LYPD6: variants seen among roughly 807,000 people sequenced by gnomAD.
The protein encoded by LYPD6 is ly6/PLAUR domain-containing protein 6.
LYPD6 carries 15 observed loss-of-function variants against 22.7 expected under a neutral mutation model. The ratio of observed to expected loss-of-function variants is 0.66; its 90% confidence interval spans 0.44 to 1.02. LYPD6 has a LOEUF of 1.02. Among genes scored for constraint, LYPD6 ranks in the 50% least tolerant of loss-of-function variants. The pLI, the probability that LYPD6 is intolerant of heterozygous loss-of-function variation, is 0.00. For missense variants in LYPD6, 189 were observed against 208.4 expected (o/e 0.91, Z 0.57); for synonymous variants, 72 against 77.5 (o/e 0.93, Z 0.37).
At chr2:149,354,495 C>A (rs989232377) in intron 1 of LYPD6, among the ~76,000 whole-genome samples, 1 of 152,074 alleles carries the variant, frequency 6.6e-6, no homozygotes, top group African/African-American at 2.4e-5. Flanking sequence ...CATGAACCAC[C>A]GCACCTGGCC....
chr2:149,469,905 G>T (rs1024001588), intron 4 of LYPD6, among the ~76,000 whole-genome samples: 5 of 152,122 alleles, frequency 3.3e-5, no homozygotes, highest in African/African-American at 1.2e-4. Context: ...AATCCCTGCA[G>T]GAAAATGACT....
At chr2:149,341,666 A>G (rs1681164010) in intron 1 of LYPD6, among the ~76,000 whole-genome samples, 1 of 152,196 alleles carries the variant, frequency 6.6e-6, no homozygotes, top group South Asian at 2.1e-4. Flanking sequence ...TTTCTCACAC[A>G]TCTGAGGCTG....
rs1001223937 is a variant in LYPD6, at chr2:149,471,185, A to G, written c.*335A>G. On this transcript the variant is annotated 3_prime_UTR_variant, in exon 5 of 5. Coordinates refer to ENST00000334166, the MANE Select transcript of LYPD6 (RefSeq NM_194317.5). ...TGCATGAGATGCAGTAGGTCCTGAG[A>G]CTGTAAGATATTAGGAGTATGTTAT... 3 of 195,784 alleles carry G rather than the reference A, an allele frequency of 1.5e-5. No homozygotes were observed. In the South Asian group the frequency reaches 4.7e-4, roughly 30 times the overall value. 12.1% of individuals were successfully genotyped at this position (195,784 alleles called of 1,614,324 possible). A position where few individuals can be genotyped will look rare whatever the true frequency, so the allele number is the denominator to read the frequency against.
At chr2:149,436,400 A>G (rs1035859683) in intron 1 of LYPD6, among the ~76,000 whole-genome samples, 1 of 152,244 alleles carries the variant, frequency 6.6e-6, no homozygotes, top group African/African-American at 2.4e-5. Flanking sequence ...CCAAGAAGAT[A>G]GCAAGAGAAT....
chr2:149,403,492 C>A (rs1253235351), intron 1 of LYPD6, among the ~76,000 whole-genome samples: 1 of 147,050 alleles, frequency 6.8e-6, no homozygotes, highest in African/African-American at 2.6e-5. Flanking sequence ...TGATGGTGAG[C>A]ATTTTTTCAT....
intron 1 of LYPD6, among the ~76,000 whole-genome samples, chr2:149,419,535 C>T (rs1207214603): frequency 1.3e-5 from 2 of 152,102 alleles, no homozygotes; most frequent in Non-Finnish European, 2.9e-5. Context: ...CTAGTGGCTC[C>T]CAAATCGGAC....
chr2:149,429,268 A>G (rs974606901), intron 1 of LYPD6, among the ~76,000 whole-genome samples: 6 of 152,176 alleles, frequency 3.9e-5, no homozygotes, highest in Non-Finnish European at 5.9e-5. Flanking sequence ...AAACATTTTG[A>G]AAAGAGACTT....
intron 1 of LYPD6, among the ~76,000 whole-genome samples, chr2:149,361,132 G>A (rs1157894335): frequency 6.6e-6 from 1 of 152,144 alleles, no homozygotes; most frequent in Non-Finnish European, 1.5e-5. Context: ...TCTCGAAAGG[G>A]TAGATTTGAA....
chr2:149,422,699 A>T (rs1419840802), intron 1 of LYPD6, among the ~76,000 whole-genome samples: 2 of 152,098 alleles, frequency 1.3e-5, no homozygotes, highest in African/African-American at 2.4e-5. Flanking sequence ...AGATCCCCAG[A>T]ACTTATTCCT....
intron 3 of LYPD6, among the ~76,000 whole-genome samples, chr2:149,456,563 A>G (rs1009075515): frequency 6.6e-6 from 1 of 152,192 alleles, no homozygotes; most frequent in African/African-American, 2.4e-5. Flanking sequence ...TAGAGAGGTA[A>G]TTAAGTGAGG....
chr2:149,403,932 G>A (rs977612163), intron 1 of LYPD6, among the ~76,000 whole-genome samples: 40 of 152,198 alleles, frequency 2.6e-4, no homozygotes, highest in African/African-American at 9.4e-4. Flanking sequence ...AAGGGATCCA[G>A]TTTCAGCTTT....
In LYPD6 at chr2:149,406,353, A is replaced by G. The variant is rs1317618965; in HGVS notation, c.-71-31285A>G. Reference sequence around the variant, plus strand: ...TGGGGTGTTAAAGTCTCCCATTATTATTGTGTGGGAGTCTAAGTCTCTTTG... The same window carrying G: ...TGGGGTGTTAAAGTCTCCCATTATTGTTGTGTGGGAGTCTAAGTCTCTTTG... On this transcript the variant is annotated intron_variant, in intron 1 of 4. Coordinates refer to ENST00000334166, the MANE Select transcript of LYPD6 (RefSeq NM_194317.5). Among the ~76,000 whole-genome samples, 8 of 151,588 alleles carry G rather than the reference A, an allele frequency of 5.3e-5. 1 individual carries two copies. Among genetic ancestry groups the G allele is most frequent in the Middle Eastern group, 6.3e-3 (2 of 316 alleles).
At chr2:149,338,945 A>G (rs1681108134) in intron 1 of LYPD6, among the ~76,000 whole-genome samples, 1 of 152,114 alleles carries the variant, frequency 6.6e-6, no homozygotes, top group South Asian at 2.1e-4. Context: ...TGCAACCCTT[A>G]TTGTCATTTT....
At chr2:149,410,064 T>C (rs970467397) in intron 1 of LYPD6, among the ~76,000 whole-genome samples, 1 of 152,180 alleles carries the variant, frequency 6.6e-6, no homozygotes, top group African/African-American at 2.4e-5. Flanking sequence ...GCCTTCTATC[T>C]GCCATCTTAA....
chr2:149,385,114 A>G (rs182725468), intron 1 of LYPD6, among the ~76,000 whole-genome samples: 12 of 151,900 alleles, frequency 7.9e-5, no homozygotes, highest in Admixed American at 5.2e-4. Flanking sequence ...CTTTCATTTT[A>G]TCTCTCTTCC....
At chr2:149,484,447 TG>T in the LYPD6 span, among the ~76,000 whole-genome samples, 1 of 152,174 alleles carries the variant, frequency 6.6e-6, no homozygotes, top group Admixed American at 6.5e-5. Flanking sequence ...AGATTTAAAA[TG>T]TCTTCCATGA....
At chr2:149,446,578 A>G (rs1683693624) in intron 2 of LYPD6, among the ~76,000 whole-genome samples, 1 of 152,186 alleles carries the variant, frequency 6.6e-6, no homozygotes, top group Non-Finnish European at 1.5e-5. Flanking sequence ...TTTTCCCCCT[A>G]TTAAAATTTC....
intron 1 of LYPD6, among the ~76,000 whole-genome samples, chr2:149,353,198 G>A (rs1681390474): frequency 6.6e-6 from 1 of 152,188 alleles, no homozygotes; most frequent in African/African-American, 2.4e-5. Context: ...TGCTCGTGAA[G>A]TTCAATGTTT....
At chr2:149,399,093 G>A (rs1423247780) in intron 1 of LYPD6, among the ~76,000 whole-genome samples, 2 of 151,570 alleles carry the variant, frequency 1.3e-5, no homozygotes, top group East Asian at 1.9e-4. Flanking sequence ...TGAAGAGGAA[G>A]GTGTTAAAAA....
Sources: gnomAD v4.1 joint callset for allele counts (sites outside exome capture counted in the v4.1 genomes callset) on GRCh38, gnomAD v4.1.1 for gene constraint, MANE v1.5 for transcripts, NCBI Gene and HGNC (gene_info 2026-07-23, HGNC 2026-07-21) for gene names.